ZC3H6: variants seen among roughly 807,000 people sequenced by gnomAD.
ZC3H6 encodes the protein zinc finger CCCH-type containing 6, also known as zinc finger CCCH domain-containing protein 6.
In ZC3H6, 40 loss-of-function variants were observed where a neutral mutation model predicts 107.7. The ratio of observed to expected loss-of-function variants is 0.37; its 90% CI spans 0.29 to 0.48. ZC3H6 has a LOEUF of 0.48. Ranked by LOEUF, ZC3H6 falls within the 20% of genes least tolerant of loss-of-function variation. The pLI is 0.98. For missense variants in ZC3H6, 1,267 were observed against 1,410.4 expected, an observed-to-expected ratio of 0.90 and a Z score of 1.63; for synonymous variants, 493 against 487.9, an observed-to-expected ratio of 1.01 and a Z score of -0.14.
chr2:112,288,935 G>A (rs572344758), intron 1 of ZC3H6, among the ~76,000 whole-genome samples: 4 of 152,074 alleles, frequency 2.6e-5, no homozygotes, highest in Non-Finnish European at 4.4e-5. Context: ...TTTTTGAACC[G>A]CAAACCTTAT....
chr2:112,324,989 C>T lies in ZC3H6; in HGVS notation c.1878C>T (p.Ala626=). ...SGDGMWHGEF[A]QQQPPVVQDS... ...ATGGGATGTGGCATGGTGAATTTGC[C>T]CAGCAGCAGCCTCCTGTTGTTCAAG... The change falls in exon 11 of 12, where the codon GCC becomes GCT. Residue 626 remains alanine, a synonymous_variant. Transcript: ENST00000409871. The T allele has an allele frequency of 6.2e-7, 1 of 1,608,402 alleles. No individual in the cohort carries two copies. The highest frequency in any genetic ancestry group is 8.5e-7 in the Non-Finnish European group (1 of 1,177,222).
chr2:112,332,324 G>A lies in ZC3H6; in HGVS notation c.3406G>A (p.Ala1136Thr), dbSNP rs1368945654. The A allele has an allele frequency of 1.2e-6, 2 of 1,613,946 alleles. No individual in the cohort carries two copies. The highest frequency in any genetic ancestry group is 1.7e-6 in the Non-Finnish European group (2 of 1,179,876). The stretch of plus-strand genomic sequence containing the variant: ...AGCAGTGCACAGCCTTCCTGTTCAG[G>A]CATTAACAGGCTTAATTAGGCCACA... ...VPAVHSLPVQ[A>T]LTGLIRPQYS... The change falls in exon 12 of 12, where the codon GCA (alanine) becomes ACA (threonine). Residue 1136 changes from alanine to threonine, a missense_variant. By Grantham distance (58) the Ala-to-Thr change is moderately conservative. Around this residue, in one of 3 missense-constraint regions of ZC3H6, gnomAD observed 925 missense variants for 1,025.7 expected, o/e 0.90. Transcript: ENST00000409871.
chr2:112,312,061 A>C, intron 5 of ZC3H6, 124 bp downstream of exon 5: 2 of 968,770 alleles, frequency 2.1e-6, no homozygotes, highest in East Asian at 5.7e-5. Flanking sequence ...CAGCTCAGAT[A>C]AAATGAGTAT....
chr2:112,336,538 G>A lies in ZC3H6; in HGVS notation c.*4050G>A, dbSNP rs1486557091. On this transcript the variant is annotated 3_prime_UTR_variant, in exon 12 of 12. Coordinates refer to ENST00000409871, the MANE Select transcript of ZC3H6 (RefSeq NM_198581.3). ...CAAGTTTTGACATATATAACCAAAC[G>A]GCCTAAGAGTTCAAAGCTATTTTCT... The A allele has an allele frequency of 1.3e-5, 2 of 152,052 alleles. No individual in the cohort carries two copies. The highest frequency in any genetic ancestry group is 2.9e-5 in the Non-Finnish European group (2 of 68,022). 9.4% of individuals were successfully genotyped at this position (152,052 alleles called of 1,614,324 possible). A position where few individuals can be genotyped will look rare whatever the true frequency, so the allele number is the denominator to read the frequency against.
intron 9 of ZC3H6, among the ~76,000 whole-genome samples, chr2:112,323,208 A>G (rs887145057): frequency 6.6e-6 from 1 of 152,144 alleles, no homozygotes; most frequent in African/African-American, 2.4e-5. Context: ...TGTCATTGAT[A>G]ATGCCTTCAG....
Position 112,324,180 on chromosome 2 carries a change from C to A in ZC3H6, c.1369C>A (p.Pro457Thr). 6.3e-7 allele frequency: 1 copy of A among 1,588,912 alleles called. No individual in the cohort carries two copies. The highest frequency in any genetic ancestry group is 8.6e-7 in the Non-Finnish European group (1 of 1,159,736). ...KPPAFYTSASPPGPQFQGSSP... is the reference protein window; with the variant it reads ...KPPAFYTSASTPGPQFQGSSP... ...ACCAGCATTTTATACCAGTGCCTCACCACCAGGACCACAATTTCAGGGAAG... is the reference window on the plus strand; with the variant it reads ...ACCAGCATTTTATACCAGTGCCTCAACACCAGGACCACAATTTCAGGGAAG... Residue 457 changes from proline to threonine, a missense_variant, in exon 10 of 12, where the codon CCA (proline) becomes ACA (threonine). Around this residue, in one of 3 missense-constraint regions of ZC3H6, gnomAD observed 925 missense variants for 1,025.7 expected, o/e 0.90. Transcript: ENST00000409871.
intron 1 of ZC3H6, among the ~76,000 whole-genome samples, chr2:112,285,892 C>G (rs1270817470): frequency 6.6e-6 from 1 of 151,794 alleles, no homozygotes; most frequent in African/African-American, 2.4e-5. Context: ...ATCCAGGAGG[C>G]GGAGGCTGCA....
intron 1 of ZC3H6, among the ~76,000 whole-genome samples, chr2:112,296,779 C>T (rs1676245458): frequency 6.6e-6 from 1 of 152,160 alleles, no homozygotes; most frequent in Admixed American, 6.5e-5. Flanking sequence ...AGGTGCCATG[C>T]TAGGTGCTAG....
intron 3 of ZC3H6, among the ~76,000 whole-genome samples, chr2:112,306,779 A>G (rs974037461): frequency 6.6e-6 from 1 of 152,140 alleles, no homozygotes; most frequent in Non-Finnish European, 1.5e-5. Flanking sequence ...ATAATTGAGG[A>G]TGGGGTTTAC....
intron 5 of ZC3H6, among the ~76,000 whole-genome samples, chr2:112,314,652 T>C (rs1676660896): frequency 6.6e-6 from 1 of 152,152 alleles, no homozygotes; most frequent in African/African-American, 2.4e-5. Context: ...TTGCATAATT[T>C]ACTTTCTTTG....
rs1477506262 is a variant in ZC3H6, at chr2:112,338,472, C to T, written c.*5984C>T. On this transcript the variant is annotated 3_prime_UTR_variant, in exon 12 of 12. Coordinates refer to ENST00000409871, the MANE Select transcript of ZC3H6 (RefSeq NM_198581.3). ...AAATTATTGTAGGCATAAGGAAGAG[C>T]TGTGAGTTCAAAGAAGATTGTGAGT... 6.6e-6 allele frequency: 1 copy of T among 152,146 alleles called. No homozygotes were observed. Among genetic ancestry groups the T allele is most frequent in the African/African-American group, 2.4e-5 (1 of 41,422 alleles). The allele number at this position is 152,146 out of a possible 1,614,324, so 9.4% of individuals were successfully genotyped here.
intron 1 of ZC3H6, among the ~76,000 whole-genome samples, chr2:112,287,043 A>C (rs536912457): frequency 6.6e-6 from 1 of 152,132 alleles, no homozygotes; most frequent in South Asian, 2.1e-4. Flanking sequence ...AGGCAGTTTC[A>C]CTCTGGTTCA....
Position 112,332,207 on chromosome 2 carries a change from C to T in ZC3H6, c.3289C>T (p.Gln1097Ter). Residue 1097 changes from glutamine to a stop codon, truncating the protein, a stop_gained, in exon 12 of 12, where the codon CAA (glutamine) becomes TAA (stop). Coordinates refer to ENST00000409871, the MANE Select transcript of ZC3H6 (RefSeq NM_198581.3). LOFTEE classifies it high-confidence loss of function. Reference sequence around the variant, plus strand: ...TTCTCCTGGAGAAGCCATCCTTCCACAAAAACCCAGTCCAAACGTGGGAGT... The same window carrying T: ...TTCTCCTGGAGAAGCCATCCTTCCATAAAAACCCAGTCCAAACGTGGGAGT... ...EPSPGEAILPQKPSPNVGVTL... is the reference protein window; with the variant it reads ...EPSPGEAILP 1.2e-6 allele frequency: 2 copies of T among 1,614,000 alleles called. No individual in the cohort carries two copies. The highest frequency in any genetic ancestry group is 1.7e-6 in the Non-Finnish European group (2 of 1,179,892).
At chr2:112,306,651 G>C (rs1021335380) in intron 3 of ZC3H6, among the ~76,000 whole-genome samples, 15 of 152,140 alleles carry the variant, frequency 9.9e-5, no homozygotes, top group African/African-American at 2.9e-4. Flanking sequence ...ACTTACTTCT[G>C]CCAGATTTCT....
chr2:112,311,671 C>T (rs1455146722), intron 4 of ZC3H6, 133 bp from the exon 5 acceptor site: 2 of 724,336 alleles, frequency 2.8e-6, no homozygotes, highest in Non-Finnish European at 2.1e-6. Flanking sequence ...TAATTTTTTT[C>T]ATTGAATCTA....
intron 5 of ZC3H6, among the ~76,000 whole-genome samples, chr2:112,314,824 T>C (rs1214655758): frequency 1.3e-5 from 2 of 152,228 alleles, no homozygotes; most frequent in African/African-American, 4.8e-5. Flanking sequence ...TGTCATAGTA[T>C]ATTATAAGCA....
At chr2:112,278,447 A>G (rs1686468144) in intron 1 of ZC3H6, among the ~76,000 whole-genome samples, 1 of 152,108 alleles carries the variant, frequency 6.6e-6, no homozygotes, top group African/African-American at 2.4e-5. Context: ...CCTCCTGAGT[A>G]GCTGGGATTA....
At chr2:112,314,412 C>T (rs1676653142) in intron 5 of ZC3H6, among the ~76,000 whole-genome samples, 1 of 152,108 alleles carries the variant, frequency 6.6e-6, no homozygotes, top group Admixed American at 6.5e-5. Flanking sequence ...ATACTTTCTA[C>T]TCATTTAAGT....
chr2:112,317,666 C>T (rs988858967), intron 7 of ZC3H6, among the ~76,000 whole-genome samples: 2 of 151,946 alleles, frequency 1.3e-5, no homozygotes, highest in African/African-American at 2.4e-5. Context: ...TACTTAAGTT[C>T]GGGAGTAAAA....
Sources: gnomAD v4.1 joint callset for allele counts (sites outside exome capture counted in the v4.1 genomes callset) on GRCh38, gnomAD v4.1.1 for gene constraint, gnomAD v4.1.1 regional missense constraint, MANE v1.5 for transcripts, NCBI Gene and HGNC (gene_info 2026-07-23, HGNC 2026-07-21) for gene names.